CSTPP1: variants seen among roughly 807,000 people sequenced by gnomAD.
CSTPP1 encodes centriolar satellite-associated tubulin polyglutamylase complex regulator 1.
At chr11:46,968,430 A>G in the CSTPP1 span, among the ~76,000 whole-genome samples, 1 of 147,390 alleles carries the variant, frequency 6.8e-6, no homozygotes, top group Non-Finnish European at 1.5e-5. Context: ...AAATAAATAT[A>G]TATACATATA....
the CSTPP1 span, chr11:46,987,616 G>T: frequency 8.3e-6 from 2 of 240,050 alleles, no homozygotes; most frequent in African/African-American, 2.2e-5. Flanking sequence ...TATTCACTTT[G>T]ATTTCCTTTC....
At chr11:47,036,250 T>A in the CSTPP1 span, among the ~76,000 whole-genome samples, 1 of 49,676 alleles carries the variant, frequency 2.0e-5, no homozygotes, top group Non-Finnish European at 4.3e-5. Flanking sequence ...ATTTATATAT[T>A]ATATATTATA....
At chr11:46,996,366 C>T in the CSTPP1 span, among the ~76,000 whole-genome samples, 18 of 151,420 alleles carry the variant, frequency 1.2e-4, no homozygotes, top group African/African-American at 4.4e-4. Context: ...TGCAGTGGTG[C>T]AATCTCGACT....
At chr11:47,019,585 A>G in the CSTPP1 span, among the ~76,000 whole-genome samples, 2 of 152,196 alleles carry the variant, frequency 1.3e-5, no homozygotes, top group African/African-American at 2.4e-5. Flanking sequence ...AGAAAGAGGA[A>G]TGGCTGGTCG....
At chr11:46,947,338 A>G in the CSTPP1 span, among the ~76,000 whole-genome samples, 1 of 152,196 alleles carries the variant, frequency 6.6e-6, no homozygotes, top group Non-Finnish European at 1.5e-5. Flanking sequence ...GCCTTAGGAA[A>G]TAGCTCATTC....
At chr11:46,938,926 G>A in the CSTPP1 span, among the ~76,000 whole-genome samples, 2 of 151,510 alleles carry the variant, frequency 1.3e-5, no homozygotes, top group East Asian at 1.9e-4. Context: ...ACAGGCACAT[G>A]CCACCATCCC....
At chr11:47,149,428 C>T in the CSTPP1 span, among the ~76,000 whole-genome samples, 1 of 152,146 alleles carries the variant, frequency 6.6e-6, no homozygotes, top group Non-Finnish European at 1.5e-5. Context: ...GGGATGACCT[C>T]GTCTCCAAGA....
the CSTPP1 span, among the ~76,000 whole-genome samples, chr11:47,125,075 C>T: frequency 6.6e-6 from 1 of 152,306 alleles, no homozygotes; most frequent in East Asian, 1.9e-4. Flanking sequence ...AGACACTCTT[C>T]TTTCTCTAGC....
At chr11:47,029,750 G>T in the CSTPP1 span, among the ~76,000 whole-genome samples, 4 of 151,754 alleles carry the variant, frequency 2.6e-5, no homozygotes, top group African/African-American at 9.7e-5. Context: ...CTGCATAGTT[G>T]GATGTGATCT....
chr11:47,026,509 C>T, the CSTPP1 span, among the ~76,000 whole-genome samples: 1 of 152,072 alleles, frequency 6.6e-6, no homozygotes, highest in African/African-American at 2.4e-5. Context: ...TAAGCCAAAA[C>T]CCTAATCCAG....
the CSTPP1 span, among the ~76,000 whole-genome samples, chr11:46,953,628 T>C: frequency 6.6e-6 from 1 of 152,192 alleles, no homozygotes; most frequent in Non-Finnish European, 1.5e-5. Flanking sequence ...CCCTAAAGTA[T>C]GGATATATGT....
At chr11:46,941,486 C>T in the CSTPP1 span, among the ~76,000 whole-genome samples, 2 of 152,120 alleles carry the variant, frequency 1.3e-5, no homozygotes, top group East Asian at 3.8e-4. Flanking sequence ...ATTACAGGCA[C>T]CTGCCACCAT....
the CSTPP1 span, among the ~76,000 whole-genome samples, chr11:46,939,388 C>A: frequency 6.6e-6 from 1 of 152,016 alleles, no homozygotes; most frequent in Admixed American, 6.6e-5. Context: ...CGCGCCCAGC[C>A]AACATCTTTT....
At chr11:46,936,798 G>T in the CSTPP1 span, 2 of 1,610,576 alleles carry the variant, frequency 1.2e-6, no homozygotes, top group Non-Finnish European at 1.7e-6. Context: ...AGCCACCCCG[G>T]TCAAAGGATG....
the CSTPP1 span, among the ~76,000 whole-genome samples, chr11:47,076,038 A>C: frequency 6.6e-6 from 1 of 151,884 alleles, no homozygotes; most frequent in Admixed American, 6.6e-5. Context: ...TATGAGGAGC[A>C]ATTAGATCCC....
chr11:47,135,486 C>A, the CSTPP1 span, among the ~76,000 whole-genome samples: 1 of 152,170 alleles, frequency 6.6e-6, no homozygotes. Flanking sequence ...ATAAGTCTTA[C>A]CACTTATAGT....
chr11:47,024,053 C>CT, the CSTPP1 span, among the ~76,000 whole-genome samples: 71 of 145,058 alleles, frequency 4.9e-4, no homozygotes, highest in East Asian at 1.6e-3. Context: ...TATTGTGTTC[C>CT]TTTTTTTTTT....
chr11:47,039,055 A>G, the CSTPP1 span, among the ~76,000 whole-genome samples: 3 of 123,272 alleles, frequency 2.4e-5, 1 homozygote, highest in South Asian at 5.4e-4. Context: ...CTCACTTTCC[A>G]GACTGGGCAG....
chr11:47,016,192 A>G, the CSTPP1 span, among the ~76,000 whole-genome samples: 1 of 152,160 alleles, frequency 6.6e-6, no homozygotes, highest in African/African-American at 2.4e-5. Flanking sequence ...ATCTACGAAA[A>G]ACCTATCAAA....
Sources: allele counts gnomAD v4.1 joint callset (sites outside exome capture counted in the v4.1 genomes callset), GRCh38; gene constraint gnomAD v4.1.1; transcripts MANE v1.5; gene names NCBI Gene and HGNC (gene_info 2026-07-23, HGNC 2026-07-21).